The following FBXL17 variants were observed in gnomAD, a reference collection of about 807,000 sequenced individuals.
The protein encoded by FBXL17 is F-box and leucine rich repeat protein 17.
A neutral mutation model predicts 66.2 loss-of-function variants in FBXL17; 22 were observed. That is an observed-to-expected ratio of 0.33 (90% CI 0.24 to 0.47). FBXL17 has a LOEUF of 0.47. Among genes scored for constraint, FBXL17 ranks in the 20% least tolerant of loss-of-function variants. FBXL17 has a pLI of 1.00. For synonymous variants in FBXL17, 474 were observed against 400.5 expected (o/e 1.18, Z -2.19); for missense variants, 878 against 948.2 (o/e 0.93, Z 0.97).
rs188237765 is a variant in FBXL17 at position 108,336,504 on chromosome 5, G to C, written c.1506+11895C>G. ...CAGTCCTGAGAGATTGCCTGAAACAGAAGGATGAAATACTGAAACAAACCA... is the reference window on the plus strand; with the variant it reads ...CAGTCCTGAGAGATTGCCTGAAACACAAGGATGAAATACTGAAACAAACCA... On this transcript the variant is annotated intron_variant, in intron 4 of 8. Transcript: ENST00000542267. Among the ~76,000 whole-genome samples the C allele has an allele frequency of 9.9e-5, 15 of 152,236 alleles. 1 individual carries two copies. The East Asian group carries it at 2.5e-3, about 25-fold the overall frequency.
At chr5:108,354,886 G>GA (rs983618446) in intron 3 of FBXL17, among the ~76,000 whole-genome samples, 2 of 151,340 alleles carry the variant, frequency 1.3e-5, no homozygotes, top group East Asian at 3.9e-4. Context: ...AGTTTCGAGT[G>GA]AAAAAAAACC....
intron 4 of FBXL17, among the ~76,000 whole-genome samples, chr5:108,227,886 T>C (rs1005977145): frequency 2.6e-5 from 4 of 152,218 alleles, no homozygotes; most frequent in Non-Finnish European, 4.4e-5. Flanking sequence ...TCAATCACTA[T>C]TAAAAACAAA....
chr5:108,360,277 T>C lies in FBXL17; in HGVS notation c.1374+4461A>G, dbSNP rs1748261204. On this transcript the variant is annotated intron_variant, in intron 3 of 8. Transcript: ENST00000542267. Reference sequence around the variant, plus strand: ...ATTTCTTGTAGGGCAGATCTATTAGTAACAAACTCCTTTAGCTTTTGCTTA... The same window carrying C: ...ATTTCTTGTAGGGCAGATCTATTAGCAACAAACTCCTTTAGCTTTTGCTTA... Among the ~76,000 whole-genome samples, 3 of 152,154 alleles carry C rather than the reference T, an allele frequency of 2.0e-5. No homozygotes were observed. In the South Asian group the frequency reaches 6.2e-4, roughly 31 times the overall value.
At chr5:108,086,066 A>G (rs1748958394) in intron 6 of FBXL17, among the ~76,000 whole-genome samples, 2 of 152,144 alleles carry the variant, frequency 1.3e-5, no homozygotes, top group East Asian at 1.9e-4. Context: ...TCTTTCCACC[A>G]TGGAAGATCA....
Position 108,266,844 on chromosome 5 carries a change from G to A in FBXL17, c.1507-42616C>T, listed in dbSNP as rs370949839. 2.3e-4 allele frequency among the ~76,000 whole-genome samples: 35 copies of A among 152,248 alleles called. No homozygotes were observed. The South Asian group carries it at 7.0e-3, about 31-fold the overall frequency. The stretch of plus-strand genomic sequence containing the variant: ...TTGTATTTGTAGATGGAAGACAACA[G>A]AAATGTGTTCTGATTGAGGGCAGTT... On this transcript the variant is annotated intron_variant, in intron 4 of 8. Transcript: ENST00000542267.
chr5:107,868,799 C>T (rs539948300), intron 8 of FBXL17, among the ~76,000 whole-genome samples: 1 of 152,312 alleles, frequency 6.6e-6, no homozygotes, highest in South Asian at 2.1e-4. Context: ...TTTCAGTGGA[C>T]TTCTGAAGGA....
At chr5:108,231,472 T>G (rs1755337765) in intron 4 of FBXL17, among the ~76,000 whole-genome samples, 1 of 152,202 alleles carries the variant, frequency 6.6e-6, no homozygotes, top group Non-Finnish European at 1.5e-5. Context: ...TTTTGAGGTT[T>G]ATCCATGTTA....
intron 4 of FBXL17, chr5:108,298,835 C>T (rs906857084): frequency 2.2e-6 from 2 of 901,356 alleles, no homozygotes; most frequent in African/African-American, 1.8e-5. Flanking sequence ...AAATAAAAAC[C>T]TAACATGTCA....
intron 7 of FBXL17, among the ~76,000 whole-genome samples, chr5:107,898,950 G>T (rs1454863966): frequency 6.6e-6 from 1 of 152,142 alleles, no homozygotes; most frequent in Non-Finnish European, 1.5e-5. Flanking sequence ...CTTTATAATA[G>T]AATGATTTAT....
At chr5:107,973,350 T>G (rs1378931489) in intron 7 of FBXL17, among the ~76,000 whole-genome samples, 26 of 150,712 alleles carry the variant, frequency 1.7e-4, no homozygotes, top group African/African-American at 6.3e-4. Flanking sequence ...GATTTTTTTT[T>G]GTAATTTTTT....
Position 107,874,188 on chromosome 5 carries a change from A to T in FBXL17, c.1965+6849T>A, listed in dbSNP as rs1343083056. ...TGAGTCCTAATGATTAAAAAAAAAAAATTCTAACATTTTCAAGAATTGCTG... is the reference window on the plus strand; with the variant it reads ...TGAGTCCTAATGATTAAAAAAAAAATATTCTAACATTTTCAAGAATTGCTG... On this transcript the variant is annotated intron_variant, in intron 8 of 8. Coordinates refer to ENST00000542267, the MANE Select transcript of FBXL17 (RefSeq NM_001163315.3). 2.0e-5 allele frequency among the ~76,000 whole-genome samples: 3 copies of T among 152,066 alleles called. No individual in the cohort carries two copies. The East Asian group carries it at 5.8e-4, about 29-fold the overall frequency.
At chr5:108,210,771 G>A (rs978491005) in intron 5 of FBXL17, among the ~76,000 whole-genome samples, 2 of 152,184 alleles carry the variant, frequency 1.3e-5, no homozygotes, top group African/African-American at 4.8e-5. Context: ...GAGGTGCTGA[G>A]AAGAATGTAT....
rs115430343 is a variant in FBXL17 at position 108,343,028 on chromosome 5, C to T, written c.1506+5371G>A. Among the ~76,000 whole-genome samples the T allele has an allele frequency of 2.7e-3, 418 of 152,190 alleles. 4 individuals are homozygous for T. The highest frequency in any genetic ancestry group is 9.5e-3 in the African/African-American group (396 of 41,534). ...ATTAGTACCTTTATAAAATAGAACA[C>T]AGGGAGCTTGTTTGCCTTTCTACCA... On this transcript the variant is annotated intron_variant, in intron 4 of 8. Transcript: ENST00000542267.
intron 6 of FBXL17, among the ~76,000 whole-genome samples, chr5:108,060,172 GTACA>G (rs947713485): frequency 1.4e-5 from 2 of 144,672 alleles, no homozygotes; most frequent in African/African-American, 5.0e-5. Context: ...CCACATATGT[GTACA>G]TATATATATA....
At chr5:108,256,443 G>T (rs1377372428) in intron 4 of FBXL17, among the ~76,000 whole-genome samples, 5 of 151,972 alleles carry the variant, frequency 3.3e-5, no homozygotes, top group African/African-American at 9.7e-5. Context: ...TTAAAAAATA[G>T]CAGACTTGTC....
chr5:107,935,333 A>G (rs1416811063), intron 7 of FBXL17, among the ~76,000 whole-genome samples: 1 of 152,102 alleles, frequency 6.6e-6, no homozygotes, highest in Non-Finnish European at 1.5e-5. Flanking sequence ...AAAACACACC[A>G]AAGAAAACAA....
In FBXL17 at chr5:107,861,643, G is replaced by A. The variant is rs1265167640; in HGVS notation, c.*77C>T. ...GACAGGTGACAGTTAAAACCCTTCC[G>A]AGAGATCAGCTCCCCAAATGTACAA... On this transcript the variant is annotated 3_prime_UTR_variant, in exon 9 of 9. Transcript: ENST00000542267. 1.2e-5 allele frequency: 16 copies of A among 1,355,628 alleles called. No homozygotes were observed. Among genetic ancestry groups the A allele is most frequent in the East Asian group, 2.7e-5 (1 of 37,230 alleles). The allele number at this position is 1,355,628 out of a possible 1,614,324, so 84.0% of individuals were successfully genotyped here. A position where few individuals can be genotyped will look rare whatever the true frequency, so the allele number is the denominator to read the frequency against.
At chr5:108,080,736 T>C (rs1011172154) in intron 6 of FBXL17, among the ~76,000 whole-genome samples, 29 of 152,146 alleles carry the variant, frequency 1.9e-4, no homozygotes, top group African/African-American at 6.5e-4. Context: ...TATTTTCTGA[T>C]TGGCAATTGG....
At chr5:107,863,279 C>A (rs542308128) in intron 8 of FBXL17, among the ~76,000 whole-genome samples, 1 of 151,494 alleles carries the variant, frequency 6.6e-6, no homozygotes, top group South Asian at 2.1e-4. Context: ...TATCATCTGG[C>A]CTTGCCTATT....
Sources: gnomAD v4.1 joint callset for allele counts (sites outside exome capture counted in the v4.1 genomes callset) on GRCh38, gnomAD v4.1.1 for gene constraint, MANE v1.5 for transcripts, NCBI Gene and HGNC (gene_info 2026-07-23, HGNC 2026-07-21) for gene names.